The following FHIT variants were observed in gnomAD, a reference collection of about 807,000 sequenced individuals.
The protein encoded by FHIT is bis(5'-adenosyl)-triphosphatase.
FHIT carries 19 observed loss-of-function variants against 17.9 expected under a neutral mutation model. The ratio of observed to expected loss-of-function variants is 1.06; its 90% confidence interval spans 0.74 to 1.56. The LOEUF (loss-of-function observed/expected upper bound fraction) is 1.56. Among genes scored for constraint, FHIT ranks in the 40% most tolerant of loss-of-function variants. The probability of loss-of-function intolerance (pLI) is 0.00; values close to 1 mark genes in which losing one functional copy is unlikely to be tolerated. For missense variants in FHIT, 248 were observed against 189.2 expected (o/e 1.31, Z -1.82); for synonymous variants, 81 against 69.7 (o/e 1.16, Z -0.81).
intron 5 of FHIT, among the ~76,000 whole-genome samples, chr3:60,233,542 C>A (rs1704610899): frequency 6.6e-6 from 1 of 152,144 alleles, no homozygotes; most frequent in Non-Finnish European, 1.5e-5. Context: ...CCTGCCCACC[C>A]CTCTGCACCC....
chr3:60,530,136 C>G (rs1196552242), intron 5 of FHIT, among the ~76,000 whole-genome samples: 1 of 152,108 alleles, frequency 6.6e-6, no homozygotes, highest in Non-Finnish European at 1.5e-5. Context: ...GAAGACAGGT[C>G]AAGATCAAGG....
intron 4 of FHIT, among the ~76,000 whole-genome samples, chr3:60,762,991 C>T (rs540368749): frequency 6.6e-6 from 1 of 152,258 alleles, no homozygotes; most frequent in African/African-American, 2.4e-5. Context: ...GACTGCTACA[C>T]CATTACACCA....
intron 4 of FHIT, among the ~76,000 whole-genome samples, chr3:60,709,778 A>C (rs2041470025): frequency 6.6e-6 from 1 of 152,158 alleles, no homozygotes; most frequent in Admixed American, 6.5e-5. Context: ...CAAAATTTGA[A>C]TTTTTGCTTA....
Position 60,867,385 on chromosome 3 carries a change from A to G in FHIT, c.-110-45374T>C, listed in dbSNP as rs1553754085. Among the ~76,000 whole-genome samples, 3 of 152,220 alleles carry G rather than the reference A, an allele frequency of 2.0e-5. No individual in the cohort carries two copies. In the East Asian group the frequency reaches 5.8e-4, roughly 29 times the overall value. ...CATACATGCTTAAGTAGACATTTAC[A>G]TATCAAAGACAGTGAAGGCTAAGGG... On this transcript the variant is annotated intron_variant, in intron 3 of 9. Transcript: ENST00000492590.
At chr3:60,712,386 A>G (rs2041560022) in intron 4 of FHIT, among the ~76,000 whole-genome samples, 1 of 152,182 alleles carries the variant, frequency 6.6e-6, no homozygotes, top group Non-Finnish European at 1.5e-5. Flanking sequence ...CAAAATAACC[A>G]GCTAACATCA....
intron 5 of FHIT, among the ~76,000 whole-genome samples, chr3:60,170,759 T>G (rs900473386): frequency 2.0e-5 from 3 of 152,164 alleles, no homozygotes; most frequent in African/African-American, 7.2e-5. Flanking sequence ...CCAGAAAAAT[T>G]ATTACTTCCA....
At chr3:60,734,669 T>C (rs2042099694) in intron 4 of FHIT, among the ~76,000 whole-genome samples, 1 of 151,690 alleles carries the variant, frequency 6.6e-6, no homozygotes, top group Admixed American at 6.5e-5. Flanking sequence ...CTGGCCTCAA[T>C]CTCTGTATAT....
intron 8 of FHIT, among the ~76,000 whole-genome samples, chr3:59,829,849 G>A (rs1575560564): frequency 6.6e-6 from 1 of 152,100 alleles, no homozygotes; most frequent in Middle Eastern, 3.4e-3. Flanking sequence ...TAAGAAAATT[G>A]GCCCTAGAGA....
chr3:59,802,091 G>C (rs1700017139), intron 8 of FHIT, among the ~76,000 whole-genome samples: 1 of 152,170 alleles, frequency 6.6e-6, no homozygotes, highest in South Asian at 2.1e-4. Context: ...CCACATGGCA[G>C]GTGCCAGGCC....
chr3:59,986,142 T>C (rs2630192), intron 7 of FHIT, among the ~76,000 whole-genome samples: 136,191 of 151,898 alleles, frequency 0.9, 61,286 homozygotes, highest in East Asian at 1. Context: ...TTATGGCTGC[T>C]CACCCTGAAA....
intron 7 of FHIT, among the ~76,000 whole-genome samples, chr3:59,927,061 T>C (rs1192928931): frequency 6.6e-6 from 1 of 151,940 alleles, no homozygotes; most frequent in Non-Finnish European, 1.5e-5. Context: ...CCAAAAAGTA[T>C]AAAAAACTCA....
At chr3:60,553,749 T>C (rs2036649153) in intron 4 of FHIT, among the ~76,000 whole-genome samples, 1 of 152,150 alleles carries the variant, frequency 6.6e-6, no homozygotes, top group South Asian at 2.1e-4. Flanking sequence ...GATGAATATC[T>C]AAAACACCAG....
At chr3:60,575,024 C>G (rs1257771745) in intron 4 of FHIT, among the ~76,000 whole-genome samples, 2 of 151,820 alleles carry the variant, frequency 1.3e-5, no homozygotes, top group African/African-American at 4.8e-5. Context: ...AGATGATAGG[C>G]AAAAGTGGAG....
intron 5 of FHIT, among the ~76,000 whole-genome samples, chr3:60,499,573 A>T (rs1314432036): frequency 1.3e-5 from 2 of 152,180 alleles, no homozygotes; most frequent in Non-Finnish European, 2.9e-5. Flanking sequence ...TTGTATCTTT[A>T]GTAGAGACGG....
intron 8 of FHIT, among the ~76,000 whole-genome samples, chr3:59,900,843 AC>A (rs142183211): frequency 0.011 from 1,649 of 152,174 alleles, 12 homozygotes; most frequent in Admixed American, 0.028. Flanking sequence ...CGAACTCCTG[AC>A]CTCAAAGGAC....
chr3:59,834,565 G>A lies in FHIT; in HGVS notation c.349-82244C>T, dbSNP rs148750899. On this transcript the variant is annotated intron_variant, in intron 8 of 9. Transcript: ENST00000492590. The stretch of plus-strand genomic sequence containing the variant: ...AGTGCTAGTATGGTCAGTTCCTGGT[G>A]AGAACCCTCTTCCAGGTTGTAGATT... Among the ~76,000 whole-genome samples, 164 of 152,292 alleles carry A rather than the reference G, an allele frequency of 1.1e-3. 1 individual carries two copies. The highest frequency in any genetic ancestry group is 3.8e-3 in the African/African-American group (158 of 41,572).
chr3:60,931,463 A>T lies in FHIT; in HGVS notation c.-110-109452T>A, dbSNP rs571643907. Among the ~76,000 whole-genome samples the T allele has an allele frequency of 5.3e-5, 8 of 152,344 alleles. No individual in the cohort carries two copies. The South Asian group carries it at 1.7e-3, about 32-fold the overall frequency. On this transcript the variant is annotated intron_variant, in intron 3 of 9. Coordinates refer to ENST00000492590, the MANE Select transcript of FHIT (RefSeq NM_002012.4). ...TACACTATGTGCAACTCATTTTTCT[A>T]CTTAAGAATTAGAGAGATGACATTT... is the stretch of plus-strand genomic sequence containing the variant.
intron 2 of FHIT, among the ~76,000 whole-genome samples, chr3:61,170,624 A>C (rs2037975236): frequency 6.6e-6 from 1 of 152,060 alleles, no homozygotes; most frequent in African/African-American, 2.4e-5. Flanking sequence ...AATATGCAGC[A>C]TTTGGTTTTC....
chr3:60,638,763 C>A (rs1017292673), intron 4 of FHIT, among the ~76,000 whole-genome samples: 5 of 151,496 alleles, frequency 3.3e-5, no homozygotes, highest in Admixed American at 2.0e-4. Flanking sequence ...ACAGAAGAAA[C>A]GTGTTTAAGA....
Sources: allele counts gnomAD v4.1 joint callset (sites outside exome capture counted in the v4.1 genomes callset), GRCh38; gene constraint gnomAD v4.1.1; transcripts MANE v1.5; gene names NCBI Gene and HGNC (gene_info 2026-07-23, HGNC 2026-07-21).